Variants in CRACR2B observed in about 807,000 individuals in gnomAD.
The protein encoded by CRACR2B is calcium release activated channel regulator 2B.
Under a neutral mutation model 46.0 loss-of-function variants are expected in CRACR2B, and 50 were observed. The ratio of observed to expected loss-of-function variants is 1.09; its 90% confidence interval spans 0.87 to 1.38. CRACR2B has a LOEUF of 1.38. CRACR2B is among the 40% of genes most tolerant of loss of function. The pLI is 0.00. For missense variants in CRACR2B, 667 were observed against 535.0 expected (o/e 1.25, Z -2.43); for synonymous variants, 277 against 239.6 (o/e 1.16, Z -1.44).
intron 5 of CRACR2B, 68 bp from the exon 6 acceptor site, chr11:830,553 C>T (rs1456100285): frequency 6.5e-7 from 1 of 1,547,020 alleles, no homozygotes; most frequent in Non-Finnish European, 8.7e-7. Flanking sequence ...CAGCCCCTGG[C>T]CCTCCGTGTA....
Position 828,449 on chromosome 11 carries a change from TC to T in CRACR2B, c.-156del. 1.2e-6 allele frequency: 1 copy of T among 825,672 alleles called. No individual in the cohort carries two copies. Among genetic ancestry groups the T allele is most frequent in the South Asian group, 2.0e-5 (1 of 50,624 alleles). 51.1% of individuals were successfully genotyped at this position (825,672 alleles called of 1,614,324 possible). ...GCATTTTCCACCCCCAGCCCCCTGG[TC>T]CCACCTTGCCTTCCGCCCACCTTCC... On this transcript the variant is annotated 5_prime_UTR_variant, in exon 1 of 9. Transcript: ENST00000525077.
chr11:828,566 G>A lies in CRACR2B; in HGVS notation c.-42G>A, dbSNP rs754023295. 6.4e-7 allele frequency: 1 copy of A among 1,551,760 alleles called. No homozygotes were observed. The highest frequency in any genetic ancestry group is 1.2e-5 in the South Asian group (1 of 83,358). On this transcript the variant is annotated 5_prime_UTR_variant, in exon 1 of 9. Coordinates refer to ENST00000525077, the MANE Select transcript of CRACR2B (RefSeq NM_001286606.2). The stretch of plus-strand genomic sequence containing the variant: ...CTGAATTTCTTCTGACCCTCCCTTG[G>A]CTTCACAGCACCTGAAGGCCAGGCT...
Position 829,547 on chromosome 11 carries a change from C to T in CRACR2B, c.458+7C>T, listed in dbSNP as rs769995511. Reference sequence around the variant, plus strand: ...TGGCCCCGGTCCTGGGCAAGTGAGTCGGCGCTGGCCCCGCTCCCACTGCCC... The same window carrying T: ...TGGCCCCGGTCCTGGGCAAGTGAGTTGGCGCTGGCCCCGCTCCCACTGCCC... On this transcript the variant is annotated splice_region_variant and intron_variant, in intron 3 of 8. Transcript: ENST00000525077. 2 of 1,561,328 alleles carry T rather than the reference C, an allele frequency of 1.3e-6. No individual in the cohort carries two copies. The highest frequency in any genetic ancestry group is 1.2e-5 in the South Asian group (1 of 84,300).
Position 828,590 on chromosome 11 carries a change from C to G in CRACR2B, c.-18C>G, listed in dbSNP as rs758309931. ...GGCTTCACAGCACCTGAAGGCCAGGCTGAGGCCCCCTGCTCTCATGGCCAG... is the reference window on the plus strand; with the variant it reads ...GGCTTCACAGCACCTGAAGGCCAGGGTGAGGCCCCCTGCTCTCATGGCCAG... On this transcript the variant is annotated 5_prime_UTR_variant, in exon 1 of 9. Transcript: ENST00000525077. 3 of 1,573,546 alleles carry G rather than the reference C, an allele frequency of 1.9e-6. No individual in the cohort carries two copies. The African/African-American group carries it at 4.1e-5, about 22-fold the overall frequency.
At position 831,278 on chromosome 11, in the gene CRACR2B, G is replaced by A. The variant is rs1846408344; in HGVS notation, c.1008G>A (p.Arg336=). 6.2e-7 allele frequency: 1 copy of A among 1,611,166 alleles called. No homozygotes were observed. Among genetic ancestry groups the A allele is most frequent in the Non-Finnish European group, 8.5e-7 (1 of 1,179,370 alleles). Residue 336 remains arginine, a synonymous_variant, in exon 8 of 9, where the codon CGG becomes CGA. Coordinates refer to ENST00000525077, the MANE Select transcript of CRACR2B (RefSeq NM_001286606.2). The stretch of plus-strand genomic sequence containing the variant: ...AGAAAGAGAAAGTCAGCCTGCTACG[G>A]CAACTGGAGCTGCTCAGGTACGGTC... The part of the protein sequence containing the change: ...NMQKEKVSLL[R]QLELLRELNT...
At position 828,276 on chromosome 11, in the gene CRACR2B, CCT is replaced by C; in HGVS notation, c.-331_-330del. 3.1e-6 allele frequency: 1 copy of C among 325,200 alleles called. No homozygotes were observed. The highest frequency in any genetic ancestry group is 5.7e-6 in the Non-Finnish European group (1 of 176,756). The allele number at this position is 325,200 out of a possible 1,614,324, so 20.1% of individuals were successfully genotyped here. A position where few individuals can be genotyped will look rare whatever the true frequency, so the allele number is the denominator to read the frequency against. On this transcript the variant is annotated 5_prime_UTR_variant, in exon 1 of 9. Coordinates refer to ENST00000525077, the MANE Select transcript of CRACR2B (RefSeq NM_001286606.2). The stretch of plus-strand genomic sequence containing the variant: ...TATCACCAGGTCTTCTCCACTGGCC[CCT>C]GAGATTGCCATCACCTCCAGCTCCT...
Position 830,337 on chromosome 11 carries a change from G to C in CRACR2B, c.693G>C (p.Gln231His). ...LREQSRRPPS[Q>H]NFARGERRSR... The stretch of plus-strand genomic sequence containing the variant: ...AGCAGAGCCGGCGCCCGCCGAGTCA[G>C]GTGGGCCTCGGGCCCCGCCCCTCCC... The change falls in exon 5 of 9, where the codon CAG becomes CAC. Residue 231 changes from glutamine to histidine, a missense_variant and splice_region_variant. Physicochemically the swap from Gln to His is conservative, Grantham distance 24 (BLOSUM62 0). Coordinates refer to ENST00000525077, the MANE Select transcript of CRACR2B (RefSeq NM_001286606.2). The C allele has an allele frequency of 6.5e-7, 1 of 1,535,584 alleles. No homozygotes were observed. The highest frequency in any genetic ancestry group is 8.7e-7 in the Non-Finnish European group (1 of 1,145,324).
chr11:828,357 C>A lies in CRACR2B; in HGVS notation c.-251C>A, dbSNP rs1468988263. ...GGTTCCAGCCTCCTGAGATGCCAGA[C>A]CCACTGGGGCAGTACCCACAGGCCC... On this transcript the variant is annotated 5_prime_UTR_variant, in exon 1 of 9. Transcript: ENST00000525077. 4.2e-6 allele frequency: 2 copies of A among 477,496 alleles called. No homozygotes were observed. Among genetic ancestry groups the A allele is most frequent in the African/African-American group, 2.0e-5 (1 of 48,954 alleles). The allele number at this position is 477,496 out of a possible 1,614,324, so 29.6% of individuals were successfully genotyped here. A position where few individuals can be genotyped will look rare whatever the true frequency, so the allele number is the denominator to read the frequency against.
At chr11:827,786 T>C (rs1243878412), upstream of CRACR2B, 1 of 152,156 alleles carries the variant, frequency 6.6e-6, no homozygotes, top group Admixed American at 6.6e-5. Flanking sequence ...CGGGTGTTGG[T>C]GGGGAGCAGC....
chr11:830,584 G>A (rs1275270296), intron 5 of CRACR2B, 37 bp from the exon 6 acceptor site: 11 of 1,547,794 alleles, frequency 7.1e-6, no homozygotes, highest in Non-Finnish European at 8.7e-6. Flanking sequence ...ATGGCCGAGC[G>A]GCCGGCGGAG....
chr11:827,543 T>C (rs1460015914), upstream of CRACR2B: 6 of 971,548 alleles, frequency 6.2e-6, no homozygotes, highest in Non-Finnish European at 7.3e-6. Context: ...CCCACCTCCC[T>C]GGGGCCCTGC....
In CRACR2B at chr11:831,208, C is replaced by T; in HGVS notation, c.954-16C>T. ...AGGAGCCTTCCTGCAGCCGGGTCAC[C>T]ACCTCCCATCCACAGAGACGTGGTC... On this transcript the variant is annotated splice_polypyrimidine_tract_variant and intron_variant, in intron 7 of 8. Coordinates refer to ENST00000525077, the MANE Select transcript of CRACR2B (RefSeq NM_001286606.2). 1 of 1,610,320 alleles carries T rather than the reference C, an allele frequency of 6.2e-7. No homozygotes were observed.
Position 831,867 on chromosome 11 carries a change from T to G in CRACR2B, c.*158T>G. On this transcript the variant is annotated 3_prime_UTR_variant, in exon 9 of 9. Coordinates refer to ENST00000525077, the MANE Select transcript of CRACR2B (RefSeq NM_001286606.2). ...GGACCTAGCCTAGGAGTGGTCAGGGTCCCGGGAGTGGCCAGGGTCCCGTGT... is the reference window on the plus strand; with the variant it reads ...GGACCTAGCCTAGGAGTGGTCAGGGGCCCGGGAGTGGCCAGGGTCCCGTGT... 1.1e-6 allele frequency: 1 copy of G among 911,746 alleles called. No homozygotes were observed. The highest frequency in any genetic ancestry group is 3.8e-5 in the Admixed American group (1 of 26,422). The allele number at this position is 911,746 out of a possible 1,614,324, so 56.5% of individuals were successfully genotyped here. A position where few individuals can be genotyped will look rare whatever the true frequency, so the allele number is the denominator to read the frequency against.
Position 831,043 on chromosome 11 carries a change from A to C in CRACR2B, c.953+11A>C. On this transcript the variant is annotated intron_variant, in intron 7 of 8. Transcript: ENST00000525077. ...GGAGCAAACCCAACGGTGCCGTGGGACGGGGCTGGGCGGGCCCCGGTGCGT... is the reference window on the plus strand; with the variant it reads ...GGAGCAAACCCAACGGTGCCGTGGGCCGGGGCTGGGCGGGCCCCGGTGCGT... 1 of 1,535,648 alleles carries C rather than the reference A, an allele frequency of 6.5e-7. No individual in the cohort carries two copies. The highest frequency in any genetic ancestry group is 8.7e-7 in the Non-Finnish European group (1 of 1,146,446).
At chr11:831,108 A>G in intron 7 of CRACR2B, 76 bp downstream of exon 7, 1 of 1,562,380 alleles carries the variant, frequency 6.4e-7, no homozygotes. Context: ...GGTCTGGGCC[A>G]CTTTCATCCC....
rs377168504 is a variant in CRACR2B, at chr11:828,788, C to A, written c.165+16C>A. 1.9e-6 allele frequency: 3 copies of A among 1,612,594 alleles called. No homozygotes were observed. The African/African-American group carries it at 4.0e-5, about 22-fold the overall frequency. On this transcript the variant is annotated intron_variant, in intron 1 of 8. Coordinates refer to ENST00000525077, the MANE Select transcript of CRACR2B (RefSeq NM_001286606.2). ...CGACCTGCAGGTGAGTCCCCCACCC[C>A]AAGAGACTGCTTCGGCCCTGGGTTG...
intron 2 of CRACR2B, 102 bp from the exon 3 acceptor site, chr11:829,257 AC>A (rs772370061): frequency 2.4e-5 from 35 of 1,488,724 alleles, no homozygotes; most frequent in Non-Finnish European, 2.9e-5. Context: ...AAAACAGGAA[AC>A]TGGGCCCTGA....
In CRACR2B at chr11:830,966, A is replaced by T; in HGVS notation, c.887A>T (p.Glu296Val). The T allele has an allele frequency of 2.0e-6, 3 of 1,533,570 alleles. No individual in the cohort carries two copies. The highest frequency in any genetic ancestry group is 2.6e-6 in the Non-Finnish European group (3 of 1,146,624). 95.0% of individuals were successfully genotyped at this position (1,533,570 alleles called of 1,614,324 possible). A position where few individuals can be genotyped will look rare whatever the true frequency, so the allele number is the denominator to read the frequency against. ...CACGAGGCGCTGCGAACGCAGCTGG[A>T]GGGGGCGCAGGAGCAGATCCGCAGG... ...RAHEALRTQL[E>V]GAQEQIRRLE... The change falls in exon 7 of 9, where the codon GAG (glutamate) becomes GTG (valine). Residue 296 changes from glutamate (E) to valine (V), a missense_variant. Physicochemically the swap from Glu to Val is moderately radical, Grantham distance 121. Transcript: ENST00000525077.
rs982386640 is a variant in CRACR2B, at chr11:830,732, C to A, written c.786+19C>A. ...GCGGGAGGTGAGCACCCGGCCCCTG[C>A]CCTGTCCCCACGGTCACCCGTGCAC... On this transcript the variant is annotated intron_variant, in intron 6 of 8. Coordinates refer to ENST00000525077, the MANE Select transcript of CRACR2B (RefSeq NM_001286606.2). 4 of 1,516,788 alleles carry A rather than the reference C, an allele frequency of 2.6e-6. No individual in the cohort carries two copies. The African/African-American group carries it at 4.1e-5, about 16-fold the overall frequency. 94.0% of individuals were successfully genotyped at this position (1,516,788 alleles called of 1,614,324 possible).
Sources: allele counts gnomAD v4.1 joint callset, GRCh38; gene constraint gnomAD v4.1.1; transcripts MANE v1.5; gene names NCBI Gene and HGNC (gene_info 2026-07-23, HGNC 2026-07-21).